The following CDK5RAP2 variants were observed in gnomAD, a reference collection of about 807,000 sequenced individuals.
The protein encoded by CDK5RAP2 is CDK5 regulatory subunit-associated protein 2.
A neutral mutation model predicts 232.9 loss-of-function variants in CDK5RAP2; 147 were observed. That is an observed-to-expected ratio of 0.63 (90% CI 0.55 to 0.72). The LOEUF (loss-of-function observed/expected upper bound fraction) is 0.72. CDK5RAP2 is among the 30% of genes least tolerant of loss of function. The pLI is 0.00. For missense variants in CDK5RAP2, 2,195 were observed against 2,231.5 expected, an observed-to-expected ratio of 0.98 and a Z score of 0.33; for synonymous variants, 833 against 833.7, an observed-to-expected ratio of 1.00 and a Z score of 0.01.
At chr9:120,477,742 G>C (rs1363224265) in intron 14 of CDK5RAP2, among the ~76,000 whole-genome samples, 1 of 152,130 alleles carries the variant, frequency 6.6e-6, no homozygotes, top group Non-Finnish European at 1.5e-5. Context: ...TCATGAGTCT[G>C]TCATCCCTCA....
At chr9:120,413,976 A>C (rs1366585832) in intron 28 of CDK5RAP2, among the ~76,000 whole-genome samples, 2 of 152,250 alleles carry the variant, frequency 1.3e-5, no homozygotes, top group African/African-American at 4.8e-5. Flanking sequence ...GACCTGGACA[A>C]GGGTCCAAGG....
intron 12 of CDK5RAP2, among the ~76,000 whole-genome samples, chr9:120,496,982 G>C (rs2039313734): frequency 7.2e-6 from 1 of 138,446 alleles, no homozygotes; most frequent in Non-Finnish European, 1.5e-5. Context: ...GGGAAAGGTG[G>C]GGAAAAGATT....
At chr9:120,452,745 C>T (rs958607650) in intron 21 of CDK5RAP2, among the ~76,000 whole-genome samples, 1 of 151,320 alleles carries the variant, frequency 6.6e-6, no homozygotes, top group African/African-American at 2.4e-5. Flanking sequence ...CAAACATTCA[C>T]TCAACAAACC....
chr9:120,453,531 C>T lies in CDK5RAP2; in HGVS notation c.2718G>A (p.Glu906=), dbSNP rs2036587358. 1 of 1,614,146 alleles carries T rather than the reference C, an allele frequency of 6.2e-7. No homozygotes were observed. Among genetic ancestry groups the T allele is most frequent in the Non-Finnish European group, 8.5e-7 (1 of 1,180,046 alleles). The change falls in exon 21 of 38, where the codon GAG becomes GAA. Residue 906 remains glutamate (E), a synonymous_variant. Transcript: ENST00000349780. ...EKPINTALSA[E]HRPENLHGVP... is the part of the protein sequence containing the mutation. ...CCCCGTGCAGGTTCTCTGGCCGATG[C>T]TCTGCGCTGAGTGCAGTGTTGATCG...
chr9:120,389,835 G>A (rs1227690812), intron 36 of CDK5RAP2, 48 bp from the exon 37 acceptor site: 1 of 1,582,748 alleles, frequency 6.3e-7, no homozygotes, highest in African/African-American at 1.3e-5. Flanking sequence ...GGATATCCAG[G>A]AGAGCTGTGT....
At chr9:120,511,735 C>CTTTT (rs747030569) in intron 12 of CDK5RAP2, among the ~76,000 whole-genome samples, 58 of 110,682 alleles carry the variant, frequency 5.2e-4, no homozygotes, top group Non-Finnish European at 6.5e-4. Context: ...TCACAACATG[C>CTTTT]TTTTTTTTTT....
chr9:120,409,941 T>A (rs16909762), intron 29 of CDK5RAP2, among the ~76,000 whole-genome samples: 1,715 of 152,304 alleles, frequency 0.011, 29 homozygotes, highest in African/African-American at 0.035. Context: ...ATGCCATCTA[T>A]AAAGGGTTTA....
chr9:120,498,505 G>A (rs2039422495), intron 12 of CDK5RAP2, among the ~76,000 whole-genome samples: 1 of 152,176 alleles, frequency 6.6e-6, no homozygotes, highest in Admixed American at 6.5e-5. Flanking sequence ...ATGAGATCCT[G>A]AACCCGAAAA....
At chr9:120,394,390 C>T (rs2032274026) in intron 36 of CDK5RAP2, 122 bp downstream of exon 36, 6 of 1,474,090 alleles carry the variant, frequency 4.1e-6, no homozygotes, top group Non-Finnish European at 5.6e-6. Flanking sequence ...GAAAAGAAGC[C>T]CACAGATAGG....
chr9:120,507,942 A>AATATATATATATATATATAT (rs1157642617), intron 12 of CDK5RAP2, among the ~76,000 whole-genome samples: 8 of 32,556 alleles, frequency 2.5e-4, no homozygotes, highest in African/African-American at 8.0e-4. Flanking sequence ...AAAAAAAAAA[A>AATATATATATATATATATAT]ATATATATAT....
chr9:120,442,513 A>T (rs940128809), intron 23 of CDK5RAP2, among the ~76,000 whole-genome samples: 1 of 152,252 alleles, frequency 6.6e-6, no homozygotes, highest in Non-Finnish European at 1.5e-5. Flanking sequence ...ATTCACATAC[A>T]AAGTTCTGGA....
intron 11 of CDK5RAP2, among the ~76,000 whole-genome samples, chr9:120,522,137 A>G (rs145077639): frequency 1.8e-3 from 278 of 152,354 alleles, no homozygotes; most frequent in African/African-American, 6.1e-3. Context: ...TGAGCAGCAC[A>G]GAGCTAAATA....
intron 12 of CDK5RAP2, 89 bp from the exon 13 acceptor site, chr9:120,491,566 A>C: frequency 1.2e-6 from 1 of 868,942 alleles, no homozygotes; most frequent in Non-Finnish European, 1.9e-6. Flanking sequence ...GCTACAAGAG[A>C]GCAAGATAAT....
Position 120,437,586 on chromosome 9 carries a change from T to C in CDK5RAP2, c.3723-59A>G, listed in dbSNP as rs2035659727. ...ATTTTAGAATTGAATTTTTGTGACC[T>C]TAACACTAATTGGAAAAATGACAGA... On this transcript the variant is annotated intron_variant, in intron 24 of 37. Coordinates refer to ENST00000349780, the MANE Select transcript of CDK5RAP2 (RefSeq NM_018249.6). 8.2e-6 allele frequency: 10 copies of C among 1,215,732 alleles called. No individual in the cohort carries two copies. The African/African-American group carries it at 1.0e-4, about 13-fold the overall frequency. The allele number at this position is 1,215,732 out of a possible 1,614,324, so 75.3% of individuals were successfully genotyped here. A position where few individuals can be genotyped will look rare whatever the true frequency, so the allele number is the denominator to read the frequency against.
At chr9:120,521,774 T>G (rs900407456) in intron 11 of CDK5RAP2, among the ~76,000 whole-genome samples, 2 of 150,788 alleles carry the variant, frequency 1.3e-5, no homozygotes, top group African/African-American at 4.9e-5. Flanking sequence ...GCCTCCCGAG[T>G]AGCTGGGACT....
At chr9:120,543,166 T>C (rs1485410606) in intron 5 of CDK5RAP2, among the ~76,000 whole-genome samples, 1 of 152,190 alleles carries the variant, frequency 6.6e-6, no homozygotes, top group Non-Finnish European at 1.5e-5. Context: ...CCAAAGCCTG[T>C]TGATTCTGCT....
intron 3 of CDK5RAP2, among the ~76,000 whole-genome samples, chr9:120,560,137 C>T (rs767508079): frequency 1.3e-4 from 20 of 152,186 alleles, no homozygotes; most frequent in Non-Finnish European, 2.4e-4. Context: ...AGCTCTCGGG[C>T]CAGCAGAAAC....
rs139611562 is a variant in CDK5RAP2, at chr9:120,399,311, A to G, written c.5451+1431T>C. Among the ~76,000 whole-genome samples, 6 of 152,316 alleles carry G rather than the reference A, an allele frequency of 3.9e-5. No individual in the cohort carries two copies. The East Asian group carries it at 1.2e-3, about 29-fold the overall frequency. On this transcript the variant is annotated intron_variant, in intron 35 of 37. Transcript: ENST00000349780. ...ACATTGCATTAAGGGTCAACTGTTC[A>G]GTTCAGACATGTTTATGTTAAAATC...
At chr9:120,397,635 T>G (rs2032633290) in intron 35 of CDK5RAP2, among the ~76,000 whole-genome samples, 1 of 151,168 alleles carries the variant, frequency 6.6e-6, no homozygotes, top group South Asian at 2.1e-4. Flanking sequence ...CAGTAATTCC[T>G]TAGTATCACC....
Sources: gnomAD v4.1 joint callset for allele counts (sites outside exome capture counted in the v4.1 genomes callset) on GRCh38, gnomAD v4.1.1 for gene constraint, MANE v1.5 for transcripts, NCBI Gene and HGNC (gene_info 2026-07-23, HGNC 2026-07-21) for gene names.